The following PDE4D variants were observed in gnomAD, a reference collection of about 807,000 sequenced individuals.
The protein encoded by PDE4D is 3',5'-cyclic-AMP phosphodiesterase 4D.
PDE4D carries 24 observed loss-of-function variants against 87.4 expected under a neutral mutation model. The observed-to-expected ratio is 0.27, with a 90% confidence interval of 0.20 to 0.39. The LOEUF (loss-of-function observed/expected upper bound fraction) is 0.39, where lower values mean the gene tolerates loss of function less well. Ranked by LOEUF, PDE4D falls within the 10% of genes least tolerant of loss-of-function variation. The pLI is 1.00. For missense variants in PDE4D, 714 were observed against 1,041.0 expected (o/e 0.69, Z 4.32); for synonymous variants, 384 against 383.2 (o/e 1.00, Z -0.02).
chr5:59,031,380 TA>T (rs376518847), intron 6 of PDE4D, among the ~76,000 whole-genome samples: 15,592 of 61,030 alleles, frequency 0.26, 1,181 homozygotes, highest in African/African-American at 0.34. Context: ...TATATATATA[TA>T]TATATATATA....
chr5:59,606,042 T>C (rs1828154926), intron 1 of PDE4D, among the ~76,000 whole-genome samples: 1 of 152,102 alleles, frequency 6.6e-6, no homozygotes, highest in African/African-American at 2.4e-5. Flanking sequence ...CATATATTCA[T>C]ATGTAGATGC....
intron 3 of PDE4D, among the ~76,000 whole-genome samples, chr5:59,925,537 C>T (rs1025081198): frequency 6.6e-6 from 1 of 152,072 alleles, no homozygotes; most frequent in African/African-American, 2.4e-5. Flanking sequence ...TATTGAATAT[C>T]AATGGACTAA....
At chr5:59,818,930 A>C (rs1769317820) in intron 1 of PDE4D, among the ~76,000 whole-genome samples, 1 of 151,786 alleles carries the variant, frequency 6.6e-6, no homozygotes, top group Admixed American at 6.6e-5. Flanking sequence ...GAAAAGAAAG[A>C]GATAAATAGG....
chr5:60,105,303 G>T (rs983761470), intron 2 of PDE4D, among the ~76,000 whole-genome samples: 1 of 152,112 alleles, frequency 6.6e-6, no homozygotes, highest in Non-Finnish European at 1.5e-5. Context: ...GAGAAGGGAA[G>T]TTTAGAGAAA....
At chr5:59,661,074 T>TTATATATATATATATATATATA (rs3062479) in intron 1 of PDE4D, among the ~76,000 whole-genome samples, 80 of 140,050 alleles carry the variant, frequency 5.7e-4, no homozygotes, top group African/African-American at 1.5e-3. Flanking sequence ...CATGATAATA[T>TTATATATATATATATATATATA]TATATATATA....
intron 1 of PDE4D, chr5:59,275,810 A>G (rs1764692478): frequency 1.0e-6 from 1 of 987,190 alleles, no homozygotes; most frequent in Non-Finnish European, 1.2e-6. Context: ...GCGCAGGTAG[A>G]GAGAGAGAAA....
chr5:59,000,701 T>C (rs1228000212), intron 6 of PDE4D, among the ~76,000 whole-genome samples: 1 of 152,158 alleles, frequency 6.6e-6, no homozygotes, highest in Non-Finnish European at 1.5e-5. Flanking sequence ...ATTTTATTTA[T>C]TTATTTAGAG....
intron 1 of PDE4D, among the ~76,000 whole-genome samples, chr5:59,883,442 A>C (rs1749732649): frequency 6.6e-6 from 1 of 152,198 alleles, no homozygotes; most frequent in Non-Finnish European, 1.5e-5. Context: ...CCCTGTTAAG[A>C]ATGCTAACTG....
rs552105400 is a variant in PDE4D, at chr5:59,363,271, G to T, written c.456-147303C>A. ...TGAAGACTCTGCACAGAATTTTAGG[G>T]TATACTATATATTATCCTCATAATA... On this transcript the variant is annotated intron_variant, in intron 1 of 14. Transcript: ENST00000340635. Among the ~76,000 whole-genome samples, 418 of 152,184 alleles carry T rather than the reference G, an allele frequency of 2.7e-3. 2 individuals carry two copies. The highest frequency in any genetic ancestry group is 1.1e-3 in the Non-Finnish European group (73 of 68,016).
At chr5:59,933,681 A>G (rs186094631) in intron 3 of PDE4D, among the ~76,000 whole-genome samples, 34 of 151,922 alleles carry the variant, frequency 2.2e-4, no homozygotes, top group African/African-American at 7.7e-4. Context: ...AAGGAATTGA[A>G]CTCTCTTTTC....
At chr5:59,875,967 A>G (rs1581541775) in intron 1 of PDE4D, among the ~76,000 whole-genome samples, 1 of 152,088 alleles carries the variant, frequency 6.6e-6, no homozygotes, top group South Asian at 2.1e-4. Flanking sequence ...TGGAGGCTGG[A>G]GGGTGGGAGG....
intron 1 of PDE4D, among the ~76,000 whole-genome samples, chr5:59,244,573 T>C (rs1285075734): frequency 6.7e-6 from 1 of 150,038 alleles, no homozygotes; most frequent in Non-Finnish European, 1.5e-5. Flanking sequence ...TACACACATA[T>C]GTATACACAT....
chr5:59,589,704 A>G (rs148005989), intron 1 of PDE4D, among the ~76,000 whole-genome samples: 345 of 152,324 alleles, frequency 2.3e-3, no homozygotes, highest in African/African-American at 8.1e-3. Flanking sequence ...ATCTTTCTCC[A>G]CTACCACACA....
At chr5:60,423,535 A>T (rs576026072) in intron 1 of PDE4D, among the ~76,000 whole-genome samples, 1 of 152,226 alleles carries the variant, frequency 6.6e-6, no homozygotes, top group Admixed American at 6.5e-5. Context: ...TCTGGGACAC[A>T]TTTAAAGCAC....
At chr5:59,594,849 AAG>A (rs2153704454) in intron 1 of PDE4D, among the ~76,000 whole-genome samples, 1 of 152,312 alleles carries the variant, frequency 6.6e-6, no homozygotes, top group South Asian at 2.1e-4. Context: ...ATACAATACT[AAG>A]AGTAAATTCT....
chr5:59,441,571 T>C (rs1054328911), intron 1 of PDE4D, among the ~76,000 whole-genome samples: 1 of 152,206 alleles, frequency 6.6e-6, no homozygotes, highest in African/African-American at 2.4e-5. Flanking sequence ...GTTGATTTCC[T>C]CTTAACCTGT....
intron 1 of PDE4D, among the ~76,000 whole-genome samples, chr5:59,771,621 G>A (rs1409972980): frequency 6.6e-6 from 1 of 152,172 alleles, no homozygotes; most frequent in Non-Finnish European, 1.5e-5. Context: ...TCTAGTTCTT[G>A]CTTTTAGCCA....
chr5:59,642,738 C>A (rs2150200847), intron 1 of PDE4D, among the ~76,000 whole-genome samples: 1 of 152,210 alleles, frequency 6.6e-6, no homozygotes, highest in Non-Finnish European at 1.5e-5. Context: ...CTAACACATG[C>A]ACTAAGAACA....
intron 1 of PDE4D, among the ~76,000 whole-genome samples, chr5:59,574,815 G>T (rs1460159238): frequency 6.6e-6 from 1 of 151,942 alleles, no homozygotes; most frequent in Non-Finnish European, 1.5e-5. Context: ...TGAGAACTAT[G>T]GCTTTTTAAA....
Sources: allele counts gnomAD v4.1 joint callset (sites outside exome capture counted in the v4.1 genomes callset), GRCh38; gene constraint gnomAD v4.1.1; transcripts MANE v1.5; gene names NCBI Gene and HGNC (gene_info 2026-07-23, HGNC 2026-07-21).